CXXC5: variants seen among roughly 807,000 people sequenced by gnomAD.
CXXC5 encodes CXXC finger protein 5, also known as CXXC-type zinc finger protein 5.
Under a neutral mutation model 17.6 loss-of-function variants are expected in CXXC5, and 2 were observed. The observed-to-expected ratio is 0.11, with a 90% CI of 0.05 to 0.36. The LOEUF is 0.36. Among genes scored for constraint, CXXC5 ranks in the 10% least tolerant of loss-of-function variants. The pLI, the probability that CXXC5 is intolerant of heterozygous loss-of-function variation, is 1.00. For synonymous variants in CXXC5, 171 were observed against 193.0 expected (o/e 0.89, Z 0.94); for missense variants, 343 against 458.3 (o/e 0.75, Z 2.30).
rs180737401 is a variant in CXXC5, at chr5:139,648,991, G to C, written c.-161+146G>C. Reference sequence around the variant, plus strand: ...AAGTCGGCGGAAAGTTTGGCTGCGCGGGTTCCCCCGAAGTTCAGGTGCGGA... The same window carrying C: ...AAGTCGGCGGAAAGTTTGGCTGCGCCGGTTCCCCCGAAGTTCAGGTGCGGA... On this transcript the variant is annotated intron_variant, in intron 1 of 2. Coordinates refer to ENST00000302517, the MANE Select transcript of CXXC5 (RefSeq NM_016463.9). 572 of 152,376 alleles carry C rather than the reference G, an allele frequency of 3.8e-3. 5 individuals are homozygous for C. In the South Asian group the frequency reaches 0.039, roughly 10 times the overall value. 9.4% of individuals were successfully genotyped at this position (152,376 alleles called of 1,614,324 possible). A position where few individuals can be genotyped will look rare whatever the true frequency, so the allele number is the denominator to read the frequency against.
At chr5:139,665,348 G>A (rs1409151374) in intron 1 of CXXC5, among the ~76,000 whole-genome samples, 2 of 152,268 alleles carry the variant, frequency 1.3e-5, no homozygotes, top group Admixed American at 6.5e-5. Flanking sequence ...TAGGGGCACC[G>A]GGGTGGGGGA....
At chr5:139,655,591 C>G (rs1213378106) in intron 1 of CXXC5, among the ~76,000 whole-genome samples, 2 of 152,072 alleles carry the variant, frequency 1.3e-5, no homozygotes, top group Non-Finnish European at 2.9e-5. Context: ...CCCTTCATCT[C>G]TTCGGGATTC....
chr5:139,651,664 G>A (rs964103689), intron 1 of CXXC5, among the ~76,000 whole-genome samples: 5 of 152,066 alleles, frequency 3.3e-5, no homozygotes, highest in Non-Finnish European at 5.9e-5. Context: ...ATGGGAGGAT[G>A]GAGTGGAGGG....
rs1161161852 is a variant in CXXC5 at position 139,663,850 on chromosome 5, G to C, written c.-161+15005G>C. Among the ~76,000 whole-genome samples the C allele has an allele frequency of 6.6e-6, 1 of 152,184 alleles. No homozygotes were observed. Among genetic ancestry groups the C allele is most frequent in the East Asian group, 1.9e-4 (1 of 5,198 alleles). ...CTCTCCAGGACCTGACGAGGTGGGG[G>C]CTGTCAGCGGCTGCATTTCACTGGC... On this transcript the variant is annotated intron_variant, in intron 1 of 2. Transcript: ENST00000302517. The surrounding 1 kb of genome is among the most constrained non-coding windows in gnomAD (Gnocchi z 4.2).
At chr5:139,672,756 A>C (rs1403468166) in intron 1 of CXXC5, among the ~76,000 whole-genome samples, 1 of 152,168 alleles carries the variant, frequency 6.6e-6, no homozygotes, top group Non-Finnish European at 1.5e-5. Context: ...TCCATTTTAC[A>C]AATGGGAAAC....
At chr5:139,677,199 A>G (rs2126813602) in intron 1 of CXXC5, among the ~76,000 whole-genome samples, 1 of 151,804 alleles carries the variant, frequency 6.6e-6, no homozygotes, top group Non-Finnish European at 1.5e-5. Context: ...GGCAGGGCCG[A>G]TGATGGATGC....
intron 1 of CXXC5, among the ~76,000 whole-genome samples, chr5:139,660,237 C>T (rs1755717608): frequency 6.6e-6 from 1 of 152,190 alleles, no homozygotes; most frequent in Admixed American, 6.5e-5. Flanking sequence ...TTGTCGAGGG[C>T]CTGCAGGCTC....
chr5:139,682,912 G>T lies in CXXC5; in HGVS notation c.*5G>T. Reference sequence around the variant, plus strand: ...GCCTTCCGGTGGTTTCAGTGACGGCGGCGGAACCCAAAGCTGCCCTCTCCG... The same window carrying T: ...GCCTTCCGGTGGTTTCAGTGACGGCTGCGGAACCCAAAGCTGCCCTCTCCG... On this transcript the variant is annotated 3_prime_UTR_variant, in exon 3 of 3. Transcript: ENST00000302517. 1.3e-6 allele frequency: 2 copies of T among 1,589,704 alleles called. No individual in the cohort carries two copies. Among genetic ancestry groups the T allele is most frequent in the Non-Finnish European group, 1.7e-6 (2 of 1,166,964 alleles).
chr5:139,663,554 A>G lies in CXXC5; in HGVS notation c.-161+14709A>G, dbSNP rs1016342358. Among the ~76,000 whole-genome samples, 1 of 152,138 alleles carries G rather than the reference A, an allele frequency of 6.6e-6. No homozygotes were observed. The highest frequency in any genetic ancestry group is 2.4e-5 in the African/African-American group (1 of 41,398). On this transcript the variant is annotated intron_variant, in intron 1 of 2. Coordinates refer to ENST00000302517, the MANE Select transcript of CXXC5 (RefSeq NM_016463.9). This position sits in a 1 kb window ranked among gnomAD's most constrained non-coding sequence, Gnocchi z 4.2. ...GTTGTAACCTTCAGGCTTCTACCAC[A>G]TGTCCATCCCCCCATGGTCCTGCAG...
chr5:139,674,159 C>T (rs376633785), intron 1 of CXXC5, among the ~76,000 whole-genome samples: 9 of 152,230 alleles, frequency 5.9e-5, no homozygotes, highest in East Asian at 5.8e-4. Flanking sequence ...CCTGGGGCTG[C>T]GTTTCTCCCT....
intron 1 of CXXC5, among the ~76,000 whole-genome samples, chr5:139,669,481 C>T (rs1023822721): frequency 2.0e-5 from 3 of 151,994 alleles, no homozygotes; most frequent in Admixed American, 6.5e-5. Flanking sequence ...CTGCAAGTGA[C>T]AAGACTTGTG....
chr5:139,667,515 C>T (rs1756175315), intron 1 of CXXC5, among the ~76,000 whole-genome samples: 2 of 152,312 alleles, frequency 1.3e-5, no homozygotes, highest in South Asian at 4.2e-4. Context: ...GGTCACACAG[C>T]CTGTTGAGGG....
intron 1 of CXXC5, among the ~76,000 whole-genome samples, chr5:139,667,149 T>A (rs1180828061): frequency 6.6e-6 from 1 of 152,214 alleles, no homozygotes; most frequent in East Asian, 1.9e-4. Flanking sequence ...GTTCTGGGTT[T>A]CTTCAAGGTC....
In CXXC5 at chr5:139,668,766, TA is replaced by T. The variant is rs1645377360; in HGVS notation, c.-160-11597del. ...GCGGAGAAGGCTGGGGGATGACTGATAGGGGGAGTCGGGAGGGGATGTTGAG... is the reference window on the plus strand; with the variant it reads ...GCGGAGAAGGCTGGGGGATGACTGATGGGGGAGTCGGGAGGGGATGTTGAG... On this transcript the variant is annotated intron_variant, in intron 1 of 2. Transcript: ENST00000302517. The surrounding 1 kb of genome is among the most constrained non-coding windows in gnomAD (Gnocchi z 4.1). 1.3e-5 allele frequency among the ~76,000 whole-genome samples: 2 copies of T among 152,194 alleles called. No homozygotes were observed. Among genetic ancestry groups the T allele is most frequent in the East Asian group, 1.9e-4 (1 of 5,180 alleles).
chr5:139,670,283 G>T lies in CXXC5; in HGVS notation c.-160-10081G>T, dbSNP rs1280977838. Among the ~76,000 whole-genome samples the T allele has an allele frequency of 6.6e-6, 1 of 152,224 alleles. No homozygotes were observed. Among genetic ancestry groups the T allele is most frequent in the Non-Finnish European group, 1.5e-5 (1 of 68,028 alleles). On this transcript the variant is annotated intron_variant, in intron 1 of 2. Transcript: ENST00000302517. This position sits in a 1 kb window ranked among gnomAD's most constrained non-coding sequence, Gnocchi z 4.2. ...TTTTTTCCACGCTCAGGCCAGGCAG[G>T]CGGGTAGACACTGGCCAGAGCTGTT...
chr5:139,650,034 C>T (rs748210473), intron 1 of CXXC5, among the ~76,000 whole-genome samples: 1 of 152,244 alleles, frequency 6.6e-6, no homozygotes, highest in Admixed American at 6.5e-5. Flanking sequence ...CCTTCGGGAC[C>T]TGTCAGAAGA....
intron 1 of CXXC5, among the ~76,000 whole-genome samples, chr5:139,674,378 G>A (rs1451958054): frequency 2.0e-5 from 3 of 152,226 alleles, no homozygotes; most frequent in Admixed American, 6.5e-5. Context: ...CAAGGAGACC[G>A]GCCCACCAAG....
Position 139,681,454 on chromosome 5 carries a change from G to A in CXXC5, c.924+7G>A, listed in dbSNP as rs1304522734. 1 of 1,551,172 alleles carries A rather than the reference G, an allele frequency of 6.4e-7. No homozygotes were observed. Among genetic ancestry groups the A allele is most frequent in the Non-Finnish European group, 8.7e-7 (1 of 1,145,724 alleles). Reference sequence around the variant, plus strand: ...GCCTTCCGCTGCTCTGGAGGTAACGGCGCCTTAGAGGGAGGTGTGTGGGCT... The same window carrying A: ...GCCTTCCGCTGCTCTGGAGGTAACGACGCCTTAGAGGGAGGTGTGTGGGCT... On this transcript the variant is annotated splice_region_variant and intron_variant, in intron 2 of 2. Coordinates refer to ENST00000302517, the MANE Select transcript of CXXC5 (RefSeq NM_016463.9).
At position 139,658,304 on chromosome 5, in the gene CXXC5, C is replaced by G. The variant is rs906539674; in HGVS notation, c.-161+9459C>G. Among the ~76,000 whole-genome samples, 1 of 152,130 alleles carries G rather than the reference C, an allele frequency of 6.6e-6. No homozygotes were observed. Among genetic ancestry groups the G allele is most frequent in the Non-Finnish European group, 1.5e-5 (1 of 68,020 alleles). ...GAGGCATTTTTCAAGTCAGGATTCTCGTTGGGATTCTGGAATCACAGAACC... is the reference window on the plus strand; with the variant it reads ...GAGGCATTTTTCAAGTCAGGATTCTGGTTGGGATTCTGGAATCACAGAACC... On this transcript the variant is annotated intron_variant, in intron 1 of 2. Transcript: ENST00000302517. The surrounding 1 kb of genome is among the most constrained non-coding windows in gnomAD (Gnocchi z 4.1).
Sources: allele counts gnomAD v4.1 joint callset (sites outside exome capture counted in the v4.1 genomes callset), GRCh38; gene constraint gnomAD v4.1.1; non-coding constraint Gnocchi (gnomAD v3.1); transcripts MANE v1.5; gene names NCBI Gene and HGNC (gene_info 2026-07-23, HGNC 2026-07-21).